The following NAALAD2 variants were observed in gnomAD, a reference collection of about 807,000 sequenced individuals.
The protein encoded by NAALAD2 is N-acetylated alpha-linked acidic dipeptidase 2.
Under a neutral mutation model 95.6 loss-of-function variants are expected in NAALAD2, and 89 were observed. That is an observed-to-expected ratio of 0.93 (90% CI 0.78 to 1.11). The LOEUF (loss-of-function observed/expected upper bound fraction) is 1.11, where lower values mean the gene tolerates loss of function less well. Ranked by LOEUF, NAALAD2 falls within the 50% of genes least tolerant of loss-of-function variation. The pLI, the probability that NAALAD2 is intolerant of heterozygous loss-of-function variation, is 0.00. For missense variants in NAALAD2, 894 were observed against 872.4 expected (o/e 1.02, Z -0.31); for synonymous variants, 264 against 294.4 (o/e 0.90, Z 1.06).
rs1198948378 is a variant in NAALAD2, at chr11:90,171,986, A to G, written c.1411-1838A>G. The stretch of plus-strand genomic sequence containing the variant: ...TGTAAGCCATAGAAATCCTGACAAA[A>G]AAAGAAAGAAAAGAAAAAAGAAAGA... On this transcript the variant is annotated intron_variant, in intron 13 of 18. Transcript: ENST00000534061. Among the ~76,000 whole-genome samples the G allele has an allele frequency of 8.4e-5, 9 of 106,568 alleles. No individual in the cohort carries two copies. In the East Asian group the frequency reaches 1.8e-3, roughly 21 times the overall value. 69.9% of individuals were successfully genotyped at this position (106,568 alleles called of 152,430 possible). A position where few individuals can be genotyped will look rare whatever the true frequency, so the allele number is the denominator to read the frequency against.
At chr11:90,142,860 T>A (rs1239728525) in intron 2 of NAALAD2, among the ~76,000 whole-genome samples, 2 of 152,110 alleles carry the variant, frequency 1.3e-5, no homozygotes, top group Non-Finnish European at 2.9e-5. Context: ...CTTTTGGCTA[T>A]ACCTCTTTGG....
intron 8 of NAALAD2, among the ~76,000 whole-genome samples, chr11:90,160,896 A>T (rs1347058928): frequency 6.6e-6 from 1 of 152,212 alleles, no homozygotes; most frequent in Non-Finnish European, 1.5e-5. Flanking sequence ...AGATTCTCTC[A>T]TGTCTCACCT....
chr11:90,158,088 T>A, intron 6 of NAALAD2, 57 bp from the exon 7 acceptor site: 2 of 1,273,452 alleles, frequency 1.6e-6, no homozygotes, highest in Non-Finnish European at 2.3e-6. Context: ...AAAATCCCTG[T>A]ATATCTCTTG....
intron 14 of NAALAD2, among the ~76,000 whole-genome samples, chr11:90,174,331 C>CAA (rs778712509): frequency 2.3e-5 from 3 of 130,652 alleles, no homozygotes; most frequent in African/African-American, 2.8e-5. Context: ...AACTCCATCT[C>CAA]AAAAAAAAAA....
Position 90,192,548 on chromosome 11 carries a change from T to G in NAALAD2, c.*801T>G, listed in dbSNP as rs1356959356. The G allele has an allele frequency of 1.3e-5, 2 of 151,958 alleles. No individual in the cohort carries two copies. Among genetic ancestry groups the G allele is most frequent in the East Asian group, 3.9e-4 (2 of 5,194 alleles). The allele number at this position is 151,958 out of a possible 1,614,324, so 9.4% of individuals were successfully genotyped here. A position where few individuals can be genotyped will look rare whatever the true frequency, so the allele number is the denominator to read the frequency against. The stretch of plus-strand genomic sequence containing the variant: ...TGATCTGAGTGGCAAATTGTAAACT[T>G]AAAATATATATAAAATTTATTGTAT... On this transcript the variant is annotated 3_prime_UTR_variant, in exon 19 of 19. Coordinates refer to ENST00000534061, the MANE Select transcript of NAALAD2 (RefSeq NM_005467.4).
At chr11:90,165,080 CT>C (rs1344666411) in intron 11 of NAALAD2, among the ~76,000 whole-genome samples, 1 of 152,112 alleles carries the variant, frequency 6.6e-6, no homozygotes, top group Non-Finnish European at 1.5e-5. Flanking sequence ...ATTTATTTTT[CT>C]GTTTCAACAT....
At chr11:90,169,090 A>G in intron 12 of NAALAD2, 98 bp downstream of exon 12, 1 of 776,420 alleles carries the variant, frequency 1.3e-6, no homozygotes, top group Admixed American at 3.2e-5. Context: ...TAAGACTATA[A>G]ATTCTAGCTT....
chr11:90,146,343 A>ATTTTTTTTTTTT (rs71477596), intron 2 of NAALAD2, among the ~76,000 whole-genome samples: 6 of 47,962 alleles, frequency 1.3e-4, no homozygotes, highest in Non-Finnish European at 2.2e-4. Context: ...GGGGAGTTTA[A>ATTTTTTTTTTTT]TTTTTTTTTT....
intron 6 of NAALAD2, among the ~76,000 whole-genome samples, chr11:90,155,295 T>C (rs372996219): frequency 4.8e-5 from 5 of 103,978 alleles, no homozygotes; most frequent in Non-Finnish European, 9.3e-5. Context: ...TGCATATATG[T>C]ATATATAATG....
intron 4 of NAALAD2, among the ~76,000 whole-genome samples, chr11:90,149,928 T>G (rs1951844325): frequency 1.3e-5 from 2 of 152,164 alleles, no homozygotes; most frequent in East Asian, 3.8e-4. Flanking sequence ...TTGTATACAC[T>G]GATGATTTCT....
Position 90,178,024 on chromosome 11 carries a change from G to C in NAALAD2, c.1765G>C (p.Asp589His). Residue 589 changes from aspartate (D) to histidine (H), a missense_variant, in exon 16 of 19, where the codon GAC becomes CAC. Asp to His is a moderately conservative substitution (Grantham distance 81). Coordinates refer to ENST00000534061, the MANE Select transcript of NAALAD2 (RefSeq NM_005467.4). ...TAAAATCATTCCTTTTAATATTCAA[G>C]ACTATGCAGAAGCTTTGAAAAACTA... ...DSKIIPFNIQ[D>H]YAEALKNYAA... 2 of 1,613,784 alleles carry C rather than the reference G, an allele frequency of 1.2e-6. No individual in the cohort carries two copies. The highest frequency in any genetic ancestry group is 1.7e-6 in the Non-Finnish European group (2 of 1,179,876).
intron 4 of NAALAD2, among the ~76,000 whole-genome samples, chr11:90,149,587 G>A (rs10830420): frequency 0.45 from 68,589 of 151,714 alleles, 16,558 homozygotes; most frequent in African/African-American, 0.62. Flanking sequence ...GGTGCATGCC[G>A]CCACATCCTG....
chr11:90,165,743 C>G (rs1467885159), intron 11 of NAALAD2, among the ~76,000 whole-genome samples: 4 of 152,052 alleles, frequency 2.6e-5, no homozygotes, highest in Non-Finnish European at 5.9e-5. Context: ...CTTTTTTCCC[C>G]TTGCCCCTGT....
chr11:90,187,986 C>T lies in NAALAD2; in HGVS notation c.2034-3572C>T, dbSNP rs116735662. Among the ~76,000 whole-genome samples the T allele has an allele frequency of 8.9e-3, 1,354 of 152,192 alleles. 18 individuals are homozygous for T. The highest frequency in any genetic ancestry group is 0.031 in the African/African-American group (1,278 of 41,514). The stretch of plus-strand genomic sequence containing the variant: ...ACTCAGAGAGACTCCAGTGCAGCCA[C>T]GTGATGGATGAAGAGTTACAGACAG... On this transcript the variant is annotated intron_variant, in intron 18 of 18. Coordinates refer to ENST00000534061, the MANE Select transcript of NAALAD2 (RefSeq NM_005467.4).
At chr11:90,166,779 G>A (rs1952464495) in intron 11 of NAALAD2, among the ~76,000 whole-genome samples, 1 of 150,694 alleles carries the variant, frequency 6.6e-6, no homozygotes, top group Non-Finnish European at 1.5e-5. Context: ...AGCTTGCAGT[G>A]AGCAGAGACA....
At chr11:90,158,345 C>A in intron 7 of NAALAD2, 107 bp downstream of exon 7, 2 of 760,032 alleles carry the variant, frequency 2.6e-6, no homozygotes, top group Non-Finnish European at 4.5e-6. Flanking sequence ...AGTTTTATAA[C>A]TAAATAACTC....
At chr11:90,185,858 C>CTTTTTTTTTTTTTT (rs375865674) in intron 18 of NAALAD2, among the ~76,000 whole-genome samples, 1 of 133,060 alleles carries the variant, frequency 7.5e-6, no homozygotes, top group South Asian at 2.4e-4. Flanking sequence ...AGGGTAAACA[C>CTTTTTTTTTTTTTT]TTTTTTTTTT....
chr11:90,159,279 G>A lies in NAALAD2; in HGVS notation c.931G>A (p.Gly311Arg), dbSNP rs1565527396. The A allele has an allele frequency of 6.2e-7, 1 of 1,613,866 alleles. No homozygotes were observed. The highest frequency in any genetic ancestry group is 8.5e-7 in the Non-Finnish European group (1 of 1,179,880). ...GIAPPDKSWK[G>R]ALNVSYSIGP... is the part of the protein sequence containing the mutation. ...TGCTCCACCAGATAAGAGTTGGAAG[G>A]GAGCCCTTAATGTGAGTTATAGTAT... Residue 311 changes from glycine to arginine, a missense_variant, in exon 8 of 19, where the codon GGA becomes AGA. Coordinates refer to ENST00000534061, the MANE Select transcript of NAALAD2 (RefSeq NM_005467.4).
chr11:90,168,095 A>G (rs1460826826), intron 11 of NAALAD2, among the ~76,000 whole-genome samples: 2 of 151,560 alleles, frequency 1.3e-5, no homozygotes, highest in Non-Finnish European at 2.9e-5. Flanking sequence ...CTGCAACTTT[A>G]CTCGTGAAGC....
Sources: gnomAD v4.1 joint callset for allele counts (sites outside exome capture counted in the v4.1 genomes callset) on GRCh38, gnomAD v4.1.1 for gene constraint, MANE v1.5 for transcripts, NCBI Gene and HGNC (gene_info 2026-07-23, HGNC 2026-07-21) for gene names.